Variants in CLSTN2 observed in about 807,000 individuals in gnomAD.
CLSTN2 encodes the protein calsyntenin-2.
A neutral mutation model predicts 101.2 loss-of-function variants in CLSTN2; 48 were observed. That is an observed-to-expected ratio of 0.47 (90% confidence interval 0.38 to 0.60). CLSTN2 has a LOEUF of 0.60. CLSTN2 is among the 20% of genes least tolerant of loss of function. The pLI is 0.00. For missense variants in CLSTN2, 1,160 were observed against 1,238.2 expected, an observed-to-expected ratio of 0.94 and a Z score of 0.95; for synonymous variants, 481 against 463.6, an observed-to-expected ratio of 1.04 and a Z score of -0.48.
chr3:140,388,113 G>A (rs376034137), intron 2 of CLSTN2, among the ~76,000 whole-genome samples: 3 of 152,336 alleles, frequency 2.0e-5, no homozygotes, highest in African/African-American at 7.2e-5. Flanking sequence ...AAGTAATGGA[G>A]ATACAACCAT....
chr3:140,560,824 C>A (rs1935897498), intron 12 of CLSTN2, among the ~76,000 whole-genome samples: 1 of 152,096 alleles, frequency 6.6e-6, no homozygotes, highest in Non-Finnish European at 1.5e-5. Context: ...CGGCAAAAAA[C>A]CTGGAAACTG....
intron 1 of CLSTN2, among the ~76,000 whole-genome samples, chr3:139,964,652 T>C (rs1935563647): frequency 6.6e-6 from 1 of 152,108 alleles, no homozygotes; most frequent in Non-Finnish European, 1.5e-5. Flanking sequence ...AGGGCTGAGA[T>C]GCCTTCTGGA....
At chr3:140,339,657 A>T (rs544898807) in intron 2 of CLSTN2, among the ~76,000 whole-genome samples, 2 of 152,184 alleles carry the variant, frequency 1.3e-5, no homozygotes, top group African/African-American at 4.8e-5. Context: ...AGAGGCTTAG[A>T]TGTTGTGTCC....
intron 2 of CLSTN2, among the ~76,000 whole-genome samples, chr3:140,212,479 A>C (rs1294595116): frequency 6.6e-6 from 1 of 152,246 alleles, no homozygotes; most frequent in Non-Finnish European, 1.5e-5. Context: ...ATTTGTAAGT[A>C]GAATGCCTAT....
At chr3:140,224,404 T>C (rs58304638) in intron 2 of CLSTN2, among the ~76,000 whole-genome samples, 6,357 of 152,270 alleles carry the variant, frequency 0.042, 423 homozygotes, top group African/African-American at 0.14. Flanking sequence ...ATTTAGCTAG[T>C]GTTTATTGAG....
At chr3:140,096,972 C>T (rs2008879523) in intron 1 of CLSTN2, among the ~76,000 whole-genome samples, 1 of 152,100 alleles carries the variant, frequency 6.6e-6, no homozygotes, top group Admixed American at 6.6e-5. Flanking sequence ...TGGGCAAATT[C>T]CTGACTAAAC....
At chr3:140,125,402 C>T (rs544933371) in intron 1 of CLSTN2, among the ~76,000 whole-genome samples, 256 of 151,936 alleles carry the variant, frequency 1.7e-3, no homozygotes, top group Non-Finnish European at 2.5e-3. Context: ...ACACAAGTAG[C>T]CGGGTGGGCA....
At chr3:140,146,837 C>T (rs767267145) in intron 1 of CLSTN2, among the ~76,000 whole-genome samples, 2 of 152,218 alleles carry the variant, frequency 1.3e-5, no homozygotes, top group African/African-American at 2.4e-5. Flanking sequence ...ATCCCTCCAG[C>T]AACAGGGTTG....
chr3:140,488,638 CTTTTTTTTTT>C, intron 8 of CLSTN2, among the ~76,000 whole-genome samples: 1 of 73,710 alleles, frequency 1.4e-5, no homozygotes, highest in South Asian at 6.4e-4. Flanking sequence ...TTAATACGTG[CTTTTTTTTTT>C]TTTTTTTTTT....
intron 2 of CLSTN2, among the ~76,000 whole-genome samples, chr3:140,296,987 C>G (rs1215834214): frequency 6.6e-6 from 1 of 152,224 alleles, no homozygotes; most frequent in Non-Finnish European, 1.5e-5. Flanking sequence ...GATGGTCAGA[C>G]AGACAGAGGA....
intron 5 of CLSTN2, among the ~76,000 whole-genome samples, chr3:140,435,289 G>A (rs567561860): frequency 3.9e-4 from 59 of 151,574 alleles, no homozygotes; most frequent in African/African-American, 1.4e-3. Flanking sequence ...TTGATTTTTA[G>A]ATCCCACAAA....
chr3:140,226,554 T>G (rs1320216898), intron 2 of CLSTN2, among the ~76,000 whole-genome samples: 1 of 152,202 alleles, frequency 6.6e-6, no homozygotes, highest in African/African-American at 2.4e-5. Context: ...ATTCTTTTAA[T>G]TTTTCTCCAT....
At chr3:139,939,017 A>G (rs951163357) in intron 1 of CLSTN2, among the ~76,000 whole-genome samples, 2 of 151,874 alleles carry the variant, frequency 1.3e-5, no homozygotes, top group African/African-American at 2.4e-5. Context: ...GAGAGACAAG[A>G]TTTTTATGTG....
At chr3:140,296,555 C>T (rs974293259) in intron 2 of CLSTN2, among the ~76,000 whole-genome samples, 1 of 152,204 alleles carries the variant, frequency 6.6e-6, no homozygotes, top group African/African-American at 2.4e-5. Context: ...GCCTAATTCA[C>T]ACTTTCTCCT....
chr3:140,303,508 GT>G (rs201713889), intron 2 of CLSTN2, among the ~76,000 whole-genome samples: 2 of 151,808 alleles, frequency 1.3e-5, no homozygotes, highest in Non-Finnish European at 1.5e-5. Context: ...AATCATTCCA[GT>G]TTTTTTTCCA....
Position 140,483,626 on chromosome 3 carries a change from C to T in CLSTN2, c.1344+16895C>T, listed in dbSNP as rs569475625. Among the ~76,000 whole-genome samples the T allele has an allele frequency of 5.9e-5, 9 of 152,118 alleles. No homozygotes were observed. The South Asian group carries it at 1.9e-3, about 32-fold the overall frequency. On this transcript the variant is annotated intron_variant, in intron 8 of 16. Transcript: ENST00000458420. ...GACTTGCTTTATGAATCTGGGTGCT[C>T]CTGTATTGGGTGCATATATATTTAG...
chr3:140,359,335 G>T (rs1246136406), intron 2 of CLSTN2, among the ~76,000 whole-genome samples: 1 of 152,158 alleles, frequency 6.6e-6, no homozygotes, highest in East Asian at 1.9e-4. Flanking sequence ...TTTAAACCAT[G>T]TATGTCACAT....
intron 1 of CLSTN2, among the ~76,000 whole-genome samples, chr3:140,160,147 C>T (rs899592100): frequency 4.0e-5 from 6 of 151,638 alleles, no homozygotes; most frequent in Non-Finnish European, 7.4e-5. Context: ...ACATATACCC[C>T]GTGTATCTAA....
At chr3:140,051,168 T>A (rs2007982928) in intron 1 of CLSTN2, among the ~76,000 whole-genome samples, 2 of 152,322 alleles carry the variant, frequency 1.3e-5, no homozygotes, top group East Asian at 1.9e-4. Context: ...CAGCTCAGGC[T>A]TCGCTGATCG....
Sources: allele counts gnomAD v4.1 joint callset (sites outside exome capture counted in the v4.1 genomes callset), GRCh38; gene constraint gnomAD v4.1.1; transcripts MANE v1.5; gene names NCBI Gene and HGNC (gene_info 2026-07-23, HGNC 2026-07-21).